Variants in VPS13B observed in about 807,000 individuals in gnomAD.
The protein encoded by VPS13B is intermembrane lipid transfer protein VPS13B.
VPS13B carries 285 observed loss-of-function variants against 426.4 expected under a neutral mutation model. That is an observed-to-expected ratio of 0.67 (90% CI 0.61 to 0.74). VPS13B has a LOEUF of 0.74. Ranked by LOEUF, VPS13B falls within the 30% of genes least tolerant of loss-of-function variation. VPS13B has a pLI of 0.00. For missense variants in VPS13B, 4,537 were observed against 4,782.6 expected, an observed-to-expected ratio of 0.95 and a Z score of 1.51; for synonymous variants, 1,676 against 1,676.4, an observed-to-expected ratio of 1.00 and a Z score of 0.01.
At chr8:99,289,086 A>G (rs13278606) in intron 19 of VPS13B, among the ~76,000 whole-genome samples, 21 of 143,218 alleles carry the variant, frequency 1.5e-4, no homozygotes, top group South Asian at 2.3e-4. Context: ...AAGGAAGGAA[A>G]GAAAGAAAGA....
intron 19 of VPS13B, among the ~76,000 whole-genome samples, chr8:99,305,755 G>T (rs1260788902): frequency 1.3e-5 from 2 of 152,040 alleles, no homozygotes; most frequent in African/African-American, 2.4e-5. Flanking sequence ...TGTCTTTAAT[G>T]GGAGATGATG....
intron 36 of VPS13B, among the ~76,000 whole-genome samples, chr8:99,707,900 T>C (rs1335545408): frequency 6.6e-6 from 1 of 152,188 alleles, no homozygotes. Context: ...CTGGATTATG[T>C]AGATCAAGAC....
At chr8:99,808,985 A>G (rs960275393) in intron 43 of VPS13B, among the ~76,000 whole-genome samples, 1 of 152,082 alleles carries the variant, frequency 6.6e-6, no homozygotes, top group Admixed American at 6.6e-5. Context: ...CACAAACCAA[A>G]TTTAGCTTTC....
In VPS13B at chr8:99,842,701, A is replaced by C. The variant is rs965545439; in HGVS notation, c.9943-6075A>C. ...TAGTAAAATTGTTATAATTCTAAAA[A>C]ATTTGTTACATATAAATAATCATTC... is the stretch of plus-strand genomic sequence containing the variant. On this transcript the variant is annotated intron_variant, in intron 54 of 61. Transcript: ENST00000357162. Among the ~76,000 whole-genome samples the C allele has an allele frequency of 2.6e-5, 4 of 152,190 alleles. No individual in the cohort carries two copies. In the East Asian group the frequency reaches 7.7e-4, roughly 29 times the overall value.
intron 57 of VPS13B, among the ~76,000 whole-genome samples, chr8:99,861,361 G>T (rs1323474789): frequency 6.6e-6 from 1 of 152,174 alleles, no homozygotes; most frequent in Admixed American, 6.5e-5. Flanking sequence ...GAGTGCAGTG[G>T]TGCAATTGCA....
chr8:99,498,542 C>A (rs1021597009), intron 25 of VPS13B, among the ~76,000 whole-genome samples: 1 of 150,538 alleles, frequency 6.6e-6, no homozygotes, highest in Admixed American at 6.6e-5. Context: ...ATAAAAAAAA[C>A]AATAAAAAAG....
chr8:99,601,220 A>G (rs910860762), intron 33 of VPS13B, among the ~76,000 whole-genome samples: 2 of 151,264 alleles, frequency 1.3e-5, no homozygotes, highest in Non-Finnish European at 2.9e-5. Flanking sequence ...TCCTTGTTCA[A>G]CTCCTACCTA....
chr8:99,585,487 A>G (rs921167243), intron 33 of VPS13B, among the ~76,000 whole-genome samples: 3 of 152,214 alleles, frequency 2.0e-5, no homozygotes, highest in Admixed American at 6.5e-5. Context: ...ATTATACACT[A>G]TGGCCACATG....
chr8:99,481,823 T>G, intron 25 of VPS13B, 21 bp downstream of exon 25: 2 of 1,612,334 alleles, frequency 1.2e-6, no homozygotes, highest in South Asian at 2.2e-5. Flanking sequence ...TTGAAAATCC[T>G]GTTACAAAAT....
chr8:99,765,570 C>A (rs779405013), intron 39 of VPS13B, among the ~76,000 whole-genome samples: 1 of 152,232 alleles, frequency 6.6e-6, no homozygotes, highest in African/African-American at 2.4e-5. Context: ...TGGCAAGCAG[C>A]ATGAGCATCA....
intron 3 of VPS13B, among the ~76,000 whole-genome samples, chr8:99,052,344 C>T (rs1236841816): frequency 5.4e-5 from 4 of 74,070 alleles, no homozygotes; most frequent in African/African-American, 2.0e-4. Flanking sequence ...TATTGATTTG[C>T]GTATGTTGAA....
In VPS13B at chr8:99,862,001, G is replaced by A. The variant is rs1816863089; in HGVS notation, c.11215+55G>A. On this transcript the variant is annotated intron_variant, in intron 58 of 61. Coordinates refer to ENST00000357162, the MANE Select transcript of VPS13B (RefSeq NM_152564.5). ...TGTACTCCAGCAGGCTGAGATGCAG[G>A]GTCTCCCAGGACTGGGCAACTTCGC... 5 of 1,527,406 alleles carry A rather than the reference G, an allele frequency of 3.3e-6. No homozygotes were observed. The South Asian group carries it at 4.8e-5, about 15-fold the overall frequency. The allele number at this position is 1,527,406 out of a possible 1,614,324, so 94.6% of individuals were successfully genotyped here. A position where few individuals can be genotyped will look rare whatever the true frequency, so the allele number is the denominator to read the frequency against.
intron 39 of VPS13B, among the ~76,000 whole-genome samples, chr8:99,735,020 C>T (rs1040212569): frequency 4.6e-5 from 7 of 152,134 alleles, no homozygotes; most frequent in Non-Finnish European, 1.0e-4. Context: ...GAGGAATAAT[C>T]GTAGTAAATG....
intron 28 of VPS13B, among the ~76,000 whole-genome samples, chr8:99,509,828 C>T (rs1362730748): frequency 6.7e-6 from 1 of 149,132 alleles, no homozygotes; most frequent in Admixed American, 7.0e-5. Context: ...TATTTTATGT[C>T]TATTAATTGG....
intron 6 of VPS13B, among the ~76,000 whole-genome samples, 160 bp from the exon 7 acceptor site, chr8:99,115,540 C>T (rs1847611841): frequency 6.6e-6 from 1 of 151,916 alleles, no homozygotes; most frequent in African/African-American, 2.4e-5. Flanking sequence ...TTACTTAATT[C>T]CTAAGATCTT....
intron 19 of VPS13B, among the ~76,000 whole-genome samples, chr8:99,315,771 G>C (rs1809616415): frequency 6.6e-6 from 1 of 152,034 alleles, no homozygotes; most frequent in Admixed American, 6.5e-5. Flanking sequence ...CGAGTAGCTA[G>C]GACTACGGGC....
intron 17 of VPS13B, chr8:99,233,480 G>A: frequency 1.5e-6 from 2 of 1,330,780 alleles, no homozygotes; most frequent in South Asian, 2.3e-5. Flanking sequence ...GGGATGAAGA[G>A]ATTCACAATC....
At chr8:99,201,048 T>A (rs547949660) in intron 17 of VPS13B, among the ~76,000 whole-genome samples, 1 of 152,218 alleles carries the variant, frequency 6.6e-6, no homozygotes, top group South Asian at 2.1e-4. Flanking sequence ...ATTCTTTAGC[T>A]TCATTCCCAT....
rs138412874 is a variant in VPS13B, at chr8:99,329,311, T to G, written c.2824+54057T>G. ...TTCATTTCAATAAAAGCAGCTATAG[T>G]ATATTACAATCAATGCTTATATTCA... On this transcript the variant is annotated intron_variant, in intron 19 of 61. Coordinates refer to ENST00000357162, the MANE Select transcript of VPS13B (RefSeq NM_152564.5). Among the ~76,000 whole-genome samples, 149 of 152,240 alleles carry G rather than the reference T, an allele frequency of 9.8e-4. 1 individual carries two copies. Among genetic ancestry groups the G allele is most frequent in the African/African-American group, 3.5e-3 (144 of 41,566 alleles).
Sources: gnomAD v4.1 joint callset for allele counts (sites outside exome capture counted in the v4.1 genomes callset) on GRCh38, gnomAD v4.1.1 for gene constraint, MANE v1.5 for transcripts, NCBI Gene and HGNC (gene_info 2026-07-23, HGNC 2026-07-21) for gene names.